UNC13C: variants seen among roughly 807,000 people sequenced by gnomAD.
UNC13C encodes unc-13 homolog C.
Under a neutral mutation model 245.4 loss-of-function variants are expected in UNC13C, and 174 were observed. The ratio of observed to expected loss-of-function variants is 0.71; its 90% confidence interval spans 0.63 to 0.80. The LOEUF (loss-of-function observed/expected upper bound fraction) is 0.80, where lower values mean the gene tolerates loss of function less well. UNC13C is among the 30% of genes least tolerant of loss of function. The pLI is 0.00. For synonymous variants in UNC13C, 992 were observed against 895.1 expected (o/e 1.11, Z -1.93); for missense variants, 2,829 against 2,602.9 (o/e 1.09, Z -1.89).
chr15:54,414,359 G>A (rs922958437), intron 18 of UNC13C, among the ~76,000 whole-genome samples: 18 of 152,198 alleles, frequency 1.2e-4, no homozygotes, highest in East Asian at 9.7e-4. Context: ...ATAAAAAGAC[G>A]GAGTCGGCCA....
At chr15:54,271,985 T>C (rs190691488) in intron 10 of UNC13C, among the ~76,000 whole-genome samples, 16 of 152,172 alleles carry the variant, frequency 1.1e-4, no homozygotes, top group African/African-American at 3.6e-4. Context: ...ACTTAAAGAG[T>C]GATTCCACGT....
upstream of UNC13C, among the ~76,000 whole-genome samples, chr15:53,978,200 A>G (rs1841945): frequency 6.6e-6 from 1 of 152,148 alleles, no homozygotes; most frequent in East Asian, 1.9e-4. Context: ...CCAGCGATAA[A>G]GGGAAGATAG....
intron 4 of UNC13C, among the ~76,000 whole-genome samples, chr15:54,190,108 T>C (rs1423730210): frequency 1.3e-5 from 2 of 152,132 alleles, no homozygotes; most frequent in African/African-American, 4.8e-5. Flanking sequence ...TTCTAGTGTT[T>C]TGGTCCCTGC....
At chr15:54,087,770 A>G (rs776828441) in intron 2 of UNC13C, among the ~76,000 whole-genome samples, 4 of 152,210 alleles carry the variant, frequency 2.6e-5, no homozygotes, top group Non-Finnish European at 5.9e-5. Flanking sequence ...GATTAAATAT[A>G]GCTTTCTGTA....
chr15:54,398,838 G>A (rs1278248337), intron 18 of UNC13C, among the ~76,000 whole-genome samples: 1 of 151,182 alleles, frequency 6.6e-6, no homozygotes, highest in Non-Finnish European at 1.5e-5. Flanking sequence ...GATATTTTGT[G>A]TCTTCTCTCT....
the UNC13C span, among the ~76,000 whole-genome samples, chr15:53,875,097 TA>T: frequency 5.8e-5 from 8 of 137,980 alleles, no homozygotes; most frequent in South Asian, 2.2e-4. Flanking sequence ...GTCTCAAAAT[TA>T]AAAAAAAAAT....
Position 54,360,832 on chromosome 15 carries a change from G to C in UNC13C, c.4713+22343G>C, listed in dbSNP as rs542347197. ...ACTCTCACTGAGAAATTCTCTGAAAGGTGTATTGGGGCTGTGTTGAATGTG... is the reference window on the plus strand; with the variant it reads ...ACTCTCACTGAGAAATTCTCTGAAACGTGTATTGGGGCTGTGTTGAATGTG... On this transcript the variant is annotated intron_variant, in intron 17 of 32. Transcript: ENST00000260323. 2.4e-4 allele frequency among the ~76,000 whole-genome samples: 36 copies of C among 152,204 alleles called. 2 individuals are homozygous for C. The South Asian group carries it at 7.5e-3, about 32-fold the overall frequency.
intron 19 of UNC13C, among the ~76,000 whole-genome samples, chr15:54,446,631 CT>C (rs1183286091): frequency 2.6e-5 from 4 of 152,150 alleles, no homozygotes; most frequent in Admixed American, 2.0e-4. Context: ...GATTTTTGCA[CT>C]TTGATTTTGT....
chr15:53,855,488 A>C, the UNC13C span, among the ~76,000 whole-genome samples: 6 of 152,304 alleles, frequency 3.9e-5, no homozygotes, highest in Non-Finnish European at 7.4e-5. Flanking sequence ...TAGTTAGTTA[A>C]GAGTTTTTAA....
intron 4 of UNC13C, among the ~76,000 whole-genome samples, chr15:54,232,601 A>G (rs745514579): frequency 6.6e-6 from 1 of 152,188 alleles, no homozygotes; most frequent in Admixed American, 6.5e-5. Flanking sequence ...ACTCATTTAT[A>G]TAACACTTTG....
intron 2 of UNC13C, among the ~76,000 whole-genome samples, chr15:54,062,413 A>G (rs1249140670): frequency 6.6e-6 from 1 of 151,812 alleles, no homozygotes; most frequent in African/African-American, 2.4e-5. Flanking sequence ...TCCCAGCACC[A>G]CATTCTAAAC....
chr15:54,355,538 A>C (rs1393170041), intron 17 of UNC13C, among the ~76,000 whole-genome samples: 1 of 151,900 alleles, frequency 6.6e-6, no homozygotes, highest in African/African-American at 2.4e-5. Context: ...TTGTATTTTT[A>C]GTAGAGACGG....
chr15:54,015,618 T>G lies in UNC13C; in HGVS notation c.2715T>G (p.Tyr905Ter), dbSNP rs774427640. The G allele has an allele frequency of 6.2e-7, 1 of 1,613,806 alleles. No homozygotes were observed. The highest frequency in any genetic ancestry group is 8.5e-7 in the Non-Finnish European group (1 of 1,179,786). The part of the protein sequence containing the change: ...ITETDEQMQA[Y>*]DHLSYETPYE... ...AAACAGATGAACAAATGCAAGCATA[T>G]GATCACCTTTCATATGAAACACCTT... Residue 905 changes from tyrosine to a stop codon, truncating the protein, a stop_gained, in exon 2 of 33, where the codon TAT becomes TAG. Coordinates refer to ENST00000260323, the MANE Select transcript of UNC13C (RefSeq NM_001080534.3). LOFTEE classifies it high-confidence loss of function.
At chr15:53,922,039 T>G in the UNC13C span, among the ~76,000 whole-genome samples, 1 of 152,244 alleles carries the variant, frequency 6.6e-6, no homozygotes, top group Non-Finnish European at 1.5e-5. Context: ...CTGAAACTTT[T>G]GTTTCAGTAG....
At chr15:53,950,087 G>A in the UNC13C span, among the ~76,000 whole-genome samples, 8 of 152,064 alleles carry the variant, frequency 5.3e-5, no homozygotes, top group African/African-American at 1.9e-4. Flanking sequence ...GTACATGTTG[G>A]GGGAAAAATC....
At position 54,408,124 on chromosome 15, in the gene UNC13C, C is replaced by T. The variant is rs564021283; in HGVS notation, c.4848-6858C>T. On this transcript the variant is annotated intron_variant, in intron 18 of 32. Transcript: ENST00000260323. ...GCTGAGGCAGGAGAGTGGCATGAAC[C>T]CGAGAGGCGGAGTTGCAGTAAGCCG... Among the ~76,000 whole-genome samples the T allele has an allele frequency of 4.1e-4, 59 of 142,682 alleles. No individual in the cohort carries two copies. The Middle Eastern group carries it at 0.03, about 72-fold the overall frequency. The allele number at this position is 142,682 out of a possible 152,430, so 93.6% of individuals were successfully genotyped here. A position where few individuals can be genotyped will look rare whatever the true frequency, so the allele number is the denominator to read the frequency against.
chr15:54,575,104 C>T (rs925587730), intron 30 of UNC13C, among the ~76,000 whole-genome samples: 3 of 152,192 alleles, frequency 2.0e-5, no homozygotes, highest in South Asian at 2.1e-4. Context: ...GGCATAATCT[C>T]GACTCACTGC....
rs762504787 is a variant in UNC13C, at chr15:54,623,728, C to G, written c.6200-67C>G. The G allele has an allele frequency of 4.0e-4, 583 of 1,475,818 alleles. 1 individual carries two copies. Among genetic ancestry groups the G allele is most frequent in the Non-Finnish European group, 4.9e-4 (532 of 1,085,106 alleles). 91.4% of individuals were successfully genotyped at this position (1,475,818 alleles called of 1,614,324 possible). A position where few individuals can be genotyped will look rare whatever the true frequency, so the allele number is the denominator to read the frequency against. The stretch of plus-strand genomic sequence containing the variant: ...TATTAAGTTTTGGCTTCATAAATCA[C>G]TTTTAAAATTTCACTCTAAATTTCC... On this transcript the variant is annotated intron_variant, in intron 31 of 32. Coordinates refer to ENST00000260323, the MANE Select transcript of UNC13C (RefSeq NM_001080534.3).
intron 29 of UNC13C, 106 bp from the exon 30 acceptor site, chr15:54,567,694 A>G (rs992895097): frequency 2.8e-6 from 3 of 1,075,912 alleles, no homozygotes; most frequent in African/African-American, 1.6e-5. Flanking sequence ...TGTATCTTGC[A>G]TTGATCAAAT....
Sources: gnomAD v4.1 joint callset for allele counts (sites outside exome capture counted in the v4.1 genomes callset) on GRCh38, gnomAD v4.1.1 for gene constraint, MANE v1.5 for transcripts, NCBI Gene and HGNC (gene_info 2026-07-23, HGNC 2026-07-21) for gene names.